Variants in GALNT17 observed in about 807,000 individuals in gnomAD.
The protein encoded by GALNT17 is UDP-GalNAc:polypeptide N-acetylgalactosaminyltransferase-like 3.
Under a neutral mutation model 63.7 loss-of-function variants are expected in GALNT17, and 29 were observed. The ratio of observed to expected loss-of-function variants is 0.46; its 90% confidence interval spans 0.34 to 0.62. The LOEUF (loss-of-function observed/expected upper bound fraction) is 0.62, where lower values mean the gene tolerates loss of function less well. GALNT17 is among the 20% of genes least tolerant of loss of function. The pLI, the probability that GALNT17 is intolerant of heterozygous loss-of-function variation, is 0.01. For missense variants in GALNT17, 603 were observed against 799.6 expected (o/e 0.75, Z 2.97); for synonymous variants, 305 against 318.3 (o/e 0.96, Z 0.45).
intron 6 of GALNT17, among the ~76,000 whole-genome samples, chr7:71,642,942 T>A (rs1326875360): frequency 6.6e-6 from 1 of 152,176 alleles, no homozygotes; most frequent in Non-Finnish European, 1.5e-5. Flanking sequence ...ACGGAAAATG[T>A]ATGAAGAACA....
intron 5 of GALNT17, among the ~76,000 whole-genome samples, chr7:71,552,875 C>A (rs148321628): frequency 6.6e-6 from 1 of 152,298 alleles, no homozygotes; most frequent in Non-Finnish European, 1.5e-5. Context: ...GCTAGAAGTG[C>A]AACCCAGCCT....
intron 6 of GALNT17, among the ~76,000 whole-genome samples, chr7:71,641,264 C>T (rs772419412): frequency 2.0e-5 from 3 of 152,264 alleles, no homozygotes; most frequent in South Asian, 2.1e-4. Flanking sequence ...AGCAGACCCA[C>T]GTTTTGAATG....
chr7:71,198,279 G>T (rs900831522), intron 1 of GALNT17, among the ~76,000 whole-genome samples: 2 of 151,626 alleles, frequency 1.3e-5, no homozygotes, highest in African/African-American at 4.8e-5. Context: ...GCACATAGTG[G>T]CCCCCAACAA....
chr7:71,641,115 T>C lies in GALNT17; in HGVS notation c.1081-24296T>C, dbSNP rs577750497. 2.0e-5 allele frequency among the ~76,000 whole-genome samples: 3 copies of C among 152,302 alleles called. No individual in the cohort carries two copies. The East Asian group carries it at 5.8e-4, about 30-fold the overall frequency. On this transcript the variant is annotated intron_variant, in intron 6 of 10. Coordinates refer to ENST00000333538, the MANE Select transcript of GALNT17 (RefSeq NM_022479.3). ...AGCAGCCCAGACCAGAGGTCTGTCA[T>C]TGGGAACCTGTGGCTTAGGTTATCT... is the stretch of plus-strand genomic sequence containing the variant.
At chr7:71,650,862 C>G (rs907688846) in intron 6 of GALNT17, among the ~76,000 whole-genome samples, 1 of 152,114 alleles carries the variant, frequency 6.6e-6, no homozygotes, top group African/African-American at 2.4e-5. Context: ...TATTTTTAAG[C>G]TCTGAGGAAA....
chr7:71,271,893 A>G (rs570081488), intron 1 of GALNT17, among the ~76,000 whole-genome samples: 31 of 152,238 alleles, frequency 2.0e-4, no homozygotes, highest in African/African-American at 7.2e-4. Context: ...CCGAGTAACT[A>G]GGACCACAGA....
chr7:71,567,901 T>G (rs1312776005), intron 5 of GALNT17, among the ~76,000 whole-genome samples: 1 of 152,216 alleles, frequency 6.6e-6, no homozygotes, highest in East Asian at 1.9e-4. Context: ...CATCCACTGC[T>G]GCCTCACCAC....
chr7:71,488,190 C>T (rs1358552146), intron 5 of GALNT17, among the ~76,000 whole-genome samples: 1 of 114,686 alleles, frequency 8.7e-6, no homozygotes, highest in Non-Finnish European at 2.0e-5. Context: ...AAAAAAAAAA[C>T]AGCCAAGGTA....
intron 1 of GALNT17, among the ~76,000 whole-genome samples, chr7:71,205,458 T>C (rs1789255267): frequency 6.6e-6 from 1 of 152,162 alleles, no homozygotes; most frequent in East Asian, 1.9e-4. Flanking sequence ...GGCCACTTTT[T>C]ACTTTTTTCA....
intron 3 of GALNT17, 146 bp downstream of exon 3, chr7:71,388,547 G>A (rs927207185): frequency 1.9e-6 from 2 of 1,047,220 alleles, no homozygotes; most frequent in African/African-American, 1.6e-5. Context: ...CTTTTTTTGA[G>A]ATGGAGTCTT....
At chr7:71,210,031 T>G (rs550894688) in intron 1 of GALNT17, among the ~76,000 whole-genome samples, 1 of 152,224 alleles carries the variant, frequency 6.6e-6, no homozygotes, top group Admixed American at 6.5e-5. Flanking sequence ...CAAGCAATTC[T>G]CCTGCCTCAG....
chr7:71,442,812 C>T (rs367751065), intron 5 of GALNT17, among the ~76,000 whole-genome samples: 12 of 152,260 alleles, frequency 7.9e-5, no homozygotes, highest in African/African-American at 2.4e-4. Context: ...CAAAGCCCTC[C>T]GAAAACAGGC....
intron 2 of GALNT17, among the ~76,000 whole-genome samples, chr7:71,341,416 G>A (rs1792002916): frequency 6.6e-6 from 1 of 152,168 alleles, no homozygotes; most frequent in African/African-American, 2.4e-5. Context: ...TCCGTAGGAT[G>A]TGAGCTTTCA....
At chr7:71,646,145 T>A (rs914684646) in intron 6 of GALNT17, among the ~76,000 whole-genome samples, 72 of 152,330 alleles carry the variant, frequency 4.7e-4, no homozygotes, top group African/African-American at 1.7e-3. Flanking sequence ...AGAACAGCAT[T>A]TCTGCCCCTA....
rs552253238 is a variant in GALNT17, at chr7:71,694,467, C to T, written c.1501-16294C>T. On this transcript the variant is annotated intron_variant, in intron 9 of 10. Coordinates refer to ENST00000333538, the MANE Select transcript of GALNT17 (RefSeq NM_022479.3). ...CTGCCACTCAGGTTTAAGCAATTCT[C>T]CTGCTGCAGCCTCTGCCACCCAGAT... is the stretch of plus-strand genomic sequence containing the variant. Among the ~76,000 whole-genome samples, 6 of 151,170 alleles carry T rather than the reference C, an allele frequency of 4.0e-5. No individual in the cohort carries two copies. The South Asian group carries it at 6.3e-4, about 16-fold the overall frequency.
chr7:71,209,670 A>AT (rs1229309604), intron 1 of GALNT17, among the ~76,000 whole-genome samples: 1 of 151,672 alleles, frequency 6.6e-6, no homozygotes, highest in Non-Finnish European at 1.5e-5. Context: ...TAATTTTTCT[A>AT]TTTTTTGTAG....
In GALNT17 at chr7:71,623,961, G is replaced by A. The variant is rs894021138; in HGVS notation, c.1081-41450G>A. Among the ~76,000 whole-genome samples the A allele has an allele frequency of 5.9e-5, 9 of 152,250 alleles. No individual in the cohort carries two copies. In the South Asian group the frequency reaches 1.5e-3, roughly 25 times the overall value. On this transcript the variant is annotated intron_variant, in intron 6 of 10. Transcript: ENST00000333538. The stretch of plus-strand genomic sequence containing the variant: ...AGTGGACCAAGGGGTCCCCAAAACC[G>A]TGGTCAGAATGACAACTCAGAATAT...
chr7:71,515,217 AAG>A (rs1788426435), intron 5 of GALNT17, among the ~76,000 whole-genome samples: 1 of 152,172 alleles, frequency 6.6e-6, no homozygotes. Flanking sequence ...AAAGGATACA[AAG>A]AGAGAGAAAT....
intron 1 of GALNT17, among the ~76,000 whole-genome samples, chr7:71,270,237 T>A (rs958567468): frequency 2.0e-5 from 3 of 152,152 alleles, no homozygotes; most frequent in African/African-American, 7.2e-5. Context: ...TTCTAGTCCC[T>A]GGGGTATCTC....
Sources: allele counts gnomAD v4.1 joint callset (sites outside exome capture counted in the v4.1 genomes callset), GRCh38; gene constraint gnomAD v4.1.1; transcripts MANE v1.5; gene names NCBI Gene and HGNC (gene_info 2026-07-23, HGNC 2026-07-21).